Variants in PSMD3 observed in about 807,000 individuals in gnomAD.
PSMD3 encodes proteasome 26S subunit, non-ATPase 3.
Under a neutral mutation model 62.8 loss-of-function variants are expected in PSMD3, and 5 were observed. The ratio of observed to expected loss-of-function variants is 0.08; its 90% CI spans 0.04 to 0.17. PSMD3 has a LOEUF of 0.17. Among genes scored for constraint, PSMD3 ranks in the 10% least tolerant of loss-of-function variants. The pLI is 1.00. For synonymous variants in PSMD3, 265 were observed against 283.9 expected (o/e 0.93, Z 0.67); for missense variants, 524 against 713.6 (o/e 0.73, Z 3.03).
At chr17:39,997,189 C>T in intron 10 of PSMD3, 141 bp from the exon 11 acceptor site, 1 of 734,622 alleles carries the variant, frequency 1.4e-6, no homozygotes, top group South Asian at 1.6e-5. Flanking sequence ...GATGCCTAGC[C>T]CCCCACTAGA....
Position 39,980,990 on chromosome 17 carries a change from C to A in PSMD3, c.20C>A (p.Ala7Glu). 6.5e-7 allele frequency: 1 copy of A among 1,545,022 alleles called. No homozygotes were observed. The highest frequency in any genetic ancestry group is 8.7e-7 in the Non-Finnish European group (1 of 1,146,076). MKQEGSARRRGADKAKP... is the reference protein window; with the variant it reads MKQEGSERRRGADKAKP... Reference sequence around the variant, plus strand: ...GGTGCCATGAAGCAGGAGGGCTCGGCGCGGCGCCGCGGCGCGGACAAGGCG... The same window carrying A: ...GGTGCCATGAAGCAGGAGGGCTCGGAGCGGCGCCGCGGCGCGGACAAGGCG... Residue 7 changes from alanine to glutamate, a missense_variant, in exon 1 of 12, where the codon GCG becomes GAG. This residue lies in a region of PSMD3 where 396 missense variants were observed against 475.8 expected (regional missense o/e 0.83). Coordinates refer to ENST00000264639, the MANE Select transcript of PSMD3 (RefSeq NM_002809.4).
Position 39,996,693 on chromosome 17 carries a change from C to T in PSMD3, c.1476+355C>T, listed in dbSNP as rs1432143745. ...AGGGAGGTGTTACCTGTCTTGCTTG[C>T]TTCACAGGGTTGGTAAGATTAAAAG... On this transcript the variant is annotated intron_variant, in intron 10 of 11. Coordinates refer to ENST00000264639, the MANE Select transcript of PSMD3 (RefSeq NM_002809.4). This position sits in a 1 kb window ranked among gnomAD's most constrained non-coding sequence, Gnocchi z 5.1. 1 of 494,548 alleles carries T rather than the reference C, an allele frequency of 2.0e-6. No homozygotes were observed. Among genetic ancestry groups the T allele is most frequent in the Non-Finnish European group, 4.0e-6 (1 of 253,080 alleles). 30.6% of individuals were successfully genotyped at this position (494,548 alleles called of 1,614,324 possible).
At position 39,984,397 on chromosome 17, in the gene PSMD3, C is replaced by A. The variant is rs751038140; in HGVS notation, c.324C>A (p.Leu108=). 1.9e-6 allele frequency: 3 copies of A among 1,613,728 alleles called. No individual in the cohort carries two copies. Among genetic ancestry groups the A allele is most frequent in the African/African-American group, 1.3e-5 (1 of 74,888 alleles). ...LRMLPSTSRR[L]NHYVLYKAVQ... ...TGCTGCCTTCCACATCACGCCGCCT[C>A]AACCACTATGTTCTGTATAAGGCTG... Residue 108 remains leucine (L), a synonymous_variant, in exon 2 of 12, where the codon CTC becomes CTA. Coordinates refer to ENST00000264639, the MANE Select transcript of PSMD3 (RefSeq NM_002809.4).
rs1980756146 is a variant in PSMD3 at position 39,995,305 on chromosome 17, A to T, written c.1216+10A>T. 6.2e-7 allele frequency: 1 copy of T among 1,613,900 alleles called. No individual in the cohort carries two copies. Among genetic ancestry groups the T allele is most frequent in the African/African-American group, 1.3e-5 (1 of 74,938 alleles). On this transcript the variant is annotated intron_variant, in intron 8 of 11. Transcript: ENST00000264639. This position sits in a 1 kb window ranked among gnomAD's most constrained non-coding sequence, Gnocchi z 4.1. ...AACGTGATTAAGACAGGTGTGGATC[A>T]GGATCTGAGGGGCTGTTGGAGGAGC...
chr17:39,991,289 G>A (rs1418696535), intron 6 of PSMD3, among the ~76,000 whole-genome samples: 1 of 152,104 alleles, frequency 6.6e-6, no homozygotes, highest in African/African-American at 2.4e-5. Flanking sequence ...CGAGTAACTG[G>A]GATTACAGGC....
chr17:39,983,524 C>T (rs1248893511), intron 1 of PSMD3, among the ~76,000 whole-genome samples: 2 of 152,168 alleles, frequency 1.3e-5, no homozygotes, highest in Non-Finnish European at 2.9e-5. Flanking sequence ...TTTATACAAG[C>T]TCTTTATAGA....
rs1444996930 is a variant in PSMD3 at position 39,995,618 on chromosome 17, G to C, written c.1320+91G>C. 7 of 1,277,636 alleles carry C rather than the reference G, an allele frequency of 5.5e-6. No individual in the cohort carries two copies. The highest frequency in any genetic ancestry group is 1.9e-4 in the Middle Eastern group (1 of 5,196). 79.1% of individuals were successfully genotyped at this position (1,277,636 alleles called of 1,614,324 possible). On this transcript the variant is annotated intron_variant, in intron 9 of 11. Coordinates refer to ENST00000264639, the MANE Select transcript of PSMD3 (RefSeq NM_002809.4). This position sits in a 1 kb window ranked among gnomAD's most constrained non-coding sequence, Gnocchi z 4.1. ...GTGGGAGGAGTTTGGCCAAGGAGGG[G>C]AATAGGTAAAGCAATGGCATAGTCA...
chr17:39,997,187 G>T (rs758716863), intron 10 of PSMD3, 143 bp from the exon 11 acceptor site: 6 of 723,502 alleles, frequency 8.3e-6, no homozygotes, highest in Non-Finnish European at 1.5e-5. Flanking sequence ...TTGATGCCTA[G>T]CCCCCCACTA....
chr17:39,992,030 A>AAAAAAAAAAAAAAAAAAAAAAAAAAC (rs1311683541), intron 6 of PSMD3, among the ~76,000 whole-genome samples: 1 of 151,642 alleles, frequency 6.6e-6, no homozygotes, highest in East Asian at 1.9e-4. Flanking sequence ...GTCTCAAAAA[A>AAAAAAAAAAAAAAAAAAAAAAAAAAC]AAACAAACAT....
rs1190276273 is a variant in PSMD3 at position 39,995,043 on chromosome 17, C to T, written c.1071C>T (p.Leu357=). ...QFRQPSLKRS[L]MPYFLLTQAV... The stretch of plus-strand genomic sequence containing the variant: ...GCCAGCCCTCCCTCAAGCGCTCACT[C>T]ATGCCCTATTTCCTTCTGACTCAAG... Residue 357 remains leucine (L), a synonymous_variant, in exon 7 of 12, where the codon CTC becomes CTT. Transcript: ENST00000264639. This position sits in a 1 kb window ranked among gnomAD's most constrained non-coding sequence, Gnocchi z 4.1. The T allele has an allele frequency of 3.1e-6, 5 of 1,614,070 alleles. No individual in the cohort carries two copies. Among genetic ancestry groups the T allele is most frequent in the African/African-American group, 2.7e-5 (2 of 74,910 alleles).
At chr17:39,991,022 A>C (rs889429939) in intron 6 of PSMD3, among the ~76,000 whole-genome samples, 11 of 152,172 alleles carry the variant, frequency 7.2e-5, no homozygotes, top group Admixed American at 5.2e-4. Flanking sequence ...TCTGTCACTC[A>C]GGCTGGAGTG....
rs1312743308 is a variant in PSMD3 at position 39,995,347 on chromosome 17, CA to C, written c.1216+55del. 7 of 1,613,828 alleles carry C rather than the reference CA, an allele frequency of 4.3e-6. No individual in the cohort carries two copies. The African/African-American group carries it at 8.0e-5, about 18-fold the overall frequency. On this transcript the variant is annotated intron_variant, in intron 8 of 11. Coordinates refer to ENST00000264639, the MANE Select transcript of PSMD3 (RefSeq NM_002809.4). The surrounding 1 kb of genome is among the most constrained non-coding windows in gnomAD (Gnocchi z 4.1). Reference sequence around the variant, plus strand: ...TGGAGGAGCAGAAGCCAGGCCAGGGCAAACCTAGTGGGTATCCTTGGGCAAG... The same window carrying C: ...TGGAGGAGCAGAAGCCAGGCCAGGGCAACCTAGTGGGTATCCTTGGGCAAG...
chr17:39,989,900 A>G lies in PSMD3; in HGVS notation c.848A>G (p.Asn283Ser). Residue 283 changes from asparagine (N) to serine (S), a missense_variant, in exon 5 of 12, where the codon AAT becomes AGT. By Grantham distance (46) the Asn-to-Ser change is conservative. Around this residue, in one of 4 missense-constraint regions of PSMD3, gnomAD observed 396 missense variants for 475.8 expected, o/e 0.83. Coordinates refer to ENST00000264639, the MANE Select transcript of PSMD3 (RefSeq NM_002809.4). ...GTGTTCCCAGAGCAGGCCAACAACA[A>G]TGAGTGGGCCAGGTACCTCTACTAC... ...KSVFPEQANN[N>S]EWARYLYYTG... is the part of the protein sequence containing the mutation. 6.2e-7 allele frequency: 1 copy of G among 1,613,996 alleles called. No individual in the cohort carries two copies. The highest frequency in any genetic ancestry group is 8.5e-7 in the Non-Finnish European group (1 of 1,179,886).
chr17:39,988,562 G>A, intron 3 of PSMD3, 121 bp from the exon 4 acceptor site: 1 of 1,170,332 alleles, frequency 8.5e-7, no homozygotes, highest in South Asian at 1.5e-5. Context: ...TTTTATGTGA[G>A]CCTAAGTTTC....
Position 39,997,603 on chromosome 17 carries a change from A to C in PSMD3, c.*22A>C. The stretch of plus-strand genomic sequence containing the variant: ...TTGAGCTGGGGGGCTGGGGAGGGGT[A>C]GGGGGAATGGGGACAGGCTCTTTCC... On this transcript the variant is annotated 3_prime_UTR_variant, in exon 12 of 12. Coordinates refer to ENST00000264639, the MANE Select transcript of PSMD3 (RefSeq NM_002809.4). The C allele has an allele frequency of 2.5e-3, 2,110 of 849,314 alleles. No individual in the cohort carries two copies. The highest frequency in any genetic ancestry group is 3.6e-3 in the Non-Finnish European group (1,931 of 529,106). The allele number at this position is 849,314 out of a possible 1,614,324, so 52.6% of individuals were successfully genotyped here. A position where few individuals can be genotyped will look rare whatever the true frequency, so the allele number is the denominator to read the frequency against.
intron 6 of PSMD3, 34 bp from the exon 7 acceptor site, chr17:39,994,920 C>T (rs999999682): frequency 1.9e-6 from 3 of 1,591,236 alleles, no homozygotes; most frequent in Non-Finnish European, 2.6e-6. Flanking sequence ...CATGGGGCTC[C>T]CTGCCCACTG....
chr17:39,980,888 C>T lies in PSMD3; in HGVS notation c.-83C>T. ...GCTATCTCGCGCTCGTGTGCAGGCC[C>T]GGCTCGGCTCCTGGTCCCCGGTGCG... On this transcript the variant is annotated 5_prime_UTR_variant, in exon 1 of 12. Transcript: ENST00000264639. 1 of 1,261,966 alleles carries T rather than the reference C, an allele frequency of 7.9e-7. No individual in the cohort carries two copies. The highest frequency in any genetic ancestry group is 1.1e-6 in the Non-Finnish European group (1 of 945,056). The allele number at this position is 1,261,966 out of a possible 1,614,324, so 78.2% of individuals were successfully genotyped here.
At chr17:39,994,570 C>G (rs1466962019) in intron 6 of PSMD3, 2 of 267,124 alleles carry the variant, frequency 7.5e-6, no homozygotes, top group Non-Finnish European at 1.5e-5. Flanking sequence ...TAATGAGCAT[C>G]TCTGGCTGAC....
At chr17:39,994,902 C>G in intron 6 of PSMD3, 52 bp from the exon 7 acceptor site, 1 of 1,513,590 alleles carries the variant, frequency 6.6e-7, no homozygotes, top group Non-Finnish European at 9.2e-7. Flanking sequence ...TCATTTTCTT[C>G]TTCCGCCCAT....
Sources: allele counts gnomAD v4.1 joint callset (sites outside exome capture counted in the v4.1 genomes callset), GRCh38; gene constraint gnomAD v4.1.1; regional missense constraint gnomAD v4.1.1; non-coding constraint Gnocchi (gnomAD v3.1); transcripts MANE v1.5; gene names NCBI Gene and HGNC (gene_info 2026-07-23, HGNC 2026-07-21).